The following CLIP3 variants were observed in gnomAD, a reference collection of about 807,000 sequenced individuals.
CLIP3 encodes the protein CAP-Gly domain containing linker protein 3.
In CLIP3, 15 loss-of-function variants were observed where a neutral mutation model predicts 59.4. That is an observed-to-expected ratio of 0.25 (90% CI 0.17 to 0.39). The LOEUF is 0.39. CLIP3 is among the 10% of genes least tolerant of loss of function. The pLI is 1.00. For missense variants in CLIP3, 495 were observed against 765.7 expected (o/e 0.65, Z 4.17); for synonymous variants, 300 against 321.6 (o/e 0.93, Z 0.72).
At position 36,031,912 on chromosome 19, in the gene CLIP3, C is replaced by T. The variant is rs76320337; in HGVS notation, c.166+280G>A. Among the ~76,000 whole-genome samples the T allele has an allele frequency of 5.4e-3, 818 of 152,246 alleles. 22 individuals are homozygous for T. The East Asian group carries it at 0.087, about 16-fold the overall frequency. ...TCTTGCCCCCTGCTGTGGCCCCAGCCCCTAGCATAAAGCCAGGTCCACAGC... is the reference window on the plus strand; with the variant it reads ...TCTTGCCCCCTGCTGTGGCCCCAGCTCCTAGCATAAAGCCAGGTCCACAGC... On this transcript the variant is annotated intron_variant, in intron 2 of 13. Transcript: ENST00000360535.
At position 36,032,248 on chromosome 19, in the gene CLIP3, C is replaced by A. The variant is rs376198343; in HGVS notation, c.110G>T (p.Arg37Leu). ...GGGGTGCACAACAGGCTTCTGCCGG[C>A]GCTCCTGGGTGGGGCTGGGGGCCTC... ...VPEAPSPTQE[R>L]RQKPVVHPSA... is the part of the protein sequence containing the mutation. The change falls in exon 2 of 14, where the codon CGC becomes CTC. Residue 37 changes from arginine (R) to leucine (L), a missense_variant. Arg to Leu is a moderately radical substitution (Grantham distance 102, BLOSUM62 -2). Transcript: ENST00000360535. This position sits in a 1 kb window ranked among gnomAD's most constrained non-coding sequence, Gnocchi z 4.3. 30 of 1,304,220 alleles carry A rather than the reference C, an allele frequency of 2.3e-5. No individual in the cohort carries two copies. In the East Asian group the frequency reaches 7.4e-4, roughly 32 times the overall value. 80.8% of individuals were successfully genotyped at this position (1,304,220 alleles called of 1,614,324 possible). A position where few individuals can be genotyped will look rare whatever the true frequency, so the allele number is the denominator to read the frequency against.
chr19:36,016,128 C>T lies in CLIP3; in HGVS notation c.*30G>A. 6.2e-7 allele frequency: 1 copy of T among 1,613,346 alleles called. No homozygotes were observed. The highest frequency in any genetic ancestry group is 8.5e-7 in the Non-Finnish European group (1 of 1,179,450). On this transcript the variant is annotated 3_prime_UTR_variant, in exon 14 of 14. Coordinates refer to ENST00000360535, the MANE Select transcript of CLIP3 (RefSeq NM_015526.3). This position sits in a 1 kb window ranked among gnomAD's most constrained non-coding sequence, Gnocchi z 4.1. ...GGGTGTCAGGAGATGCTAGTGGGGA[C>T]TCTGTCTCTTTGTCAGGTGTCCAGG...
At chr19:36,028,999 T>TA (rs1379061473) in intron 2 of CLIP3, among the ~76,000 whole-genome samples, 1 of 123,842 alleles carries the variant, frequency 8.1e-6, no homozygotes, top group Non-Finnish European at 1.7e-5. Context: ...TCCTACTCTT[T>TA]TTTTTTTTTT....
At chr19:36,024,371 GCAAA>G (rs1969038021) in intron 7 of CLIP3, 21 bp downstream of exon 7, 1 of 1,571,106 alleles carries the variant, frequency 6.4e-7, no homozygotes, top group African/African-American at 1.4e-5. Flanking sequence ...CACCCACCAT[GCAAA>G]CACACATCCC....
rs1280131036 is a variant in CLIP3 at position 36,026,869 on chromosome 19, C to T, written c.400+83G>A. On this transcript the variant is annotated intron_variant, in intron 4 of 13. Coordinates refer to ENST00000360535, the MANE Select transcript of CLIP3 (RefSeq NM_015526.3). The surrounding 1 kb of genome is among the most constrained non-coding windows in gnomAD (Gnocchi z 6.3). ...CCGAAGCTTCGGGTTCCAGATGGGG[C>T]CTGAGTTCTGGGTGGTTTTCAGCGT... 2.0e-6 allele frequency: 3 copies of T among 1,528,006 alleles called. No individual in the cohort carries two copies. In the East Asian group the frequency reaches 6.8e-5, roughly 35 times the overall value. The allele number at this position is 1,528,006 out of a possible 1,614,324, so 94.7% of individuals were successfully genotyped here.
At chr19:36,018,055 A>T in intron 9 of CLIP3, 64 bp from the exon 10 acceptor site, 14 of 1,578,056 alleles carry the variant, frequency 8.9e-6, no homozygotes, top group Non-Finnish European at 1.1e-5. Context: ...ACCTCGTGCC[A>T]CCTGGAAAAC....
chr19:36,023,784 G>A (rs1452239234), intron 7 of CLIP3, among the ~76,000 whole-genome samples: 3 of 152,068 alleles, frequency 2.0e-5, no homozygotes, highest in Admixed American at 2.0e-4. Flanking sequence ...ACAGCAGGGC[G>A]GGGGCAGACA....
chr19:36,031,618 C>G (rs1969269676), intron 2 of CLIP3, among the ~76,000 whole-genome samples: 1 of 152,314 alleles, frequency 6.6e-6, no homozygotes, highest in East Asian at 1.9e-4. Flanking sequence ...GCCCTTTCCC[C>G]TGACCCTTCT....
chr19:36,024,738 C>G (rs1969050266), intron 6 of CLIP3, 106 bp from the exon 7 acceptor site: 1 of 1,110,540 alleles, frequency 9.0e-7, no homozygotes, highest in Non-Finnish European at 1.3e-6. Context: ...AGGGGTAAGA[C>G]TAGGTCATAT....
At chr19:36,028,074 C>T (rs1021867075) in intron 2 of CLIP3, among the ~76,000 whole-genome samples, 3 of 152,094 alleles carry the variant, frequency 2.0e-5, no homozygotes, top group African/African-American at 4.8e-5. Context: ...CGGTGGCTCA[C>T]GCCTGTAATC....
Position 36,027,251 on chromosome 19 carries a change from T to A in CLIP3, c.187A>T (p.Asn63Tyr). ...KDYAFTFFDP[N>Y]DPACQEILFD... ...AGGATCTCCTGGCACGCCGGGTCAT[T>A]GGGATCGAAGAAGGTGAAAGCTGGG... Residue 63 changes from asparagine to tyrosine, a missense_variant, in exon 3 of 14, where the codon AAT (asparagine) becomes TAT (tyrosine). Coordinates refer to ENST00000360535, the MANE Select transcript of CLIP3 (RefSeq NM_015526.3). 6.2e-7 allele frequency: 1 copy of A among 1,608,566 alleles called. No individual in the cohort carries two copies. The highest frequency in any genetic ancestry group is 8.5e-7 in the Non-Finnish European group (1 of 1,177,340).
Position 36,024,642 on chromosome 19 carries a change from A to G in CLIP3, c.682-10T>C, listed in dbSNP as rs1487709786. ...CCTGTCCTTTTCGATTCTGGGGGCC[A>G]ATGGGAAAAGAAGGCAGGGACTCAG... is the stretch of plus-strand genomic sequence containing the variant. On this transcript the variant is annotated splice_polypyrimidine_tract_variant and intron_variant, in intron 6 of 13. Coordinates refer to ENST00000360535, the MANE Select transcript of CLIP3 (RefSeq NM_015526.3). The G allele has an allele frequency of 1.2e-6, 2 of 1,613,392 alleles. No individual in the cohort carries two copies.
At chr19:36,022,252 A>G (rs749335900) in intron 7 of CLIP3, among the ~76,000 whole-genome samples, 1 of 152,178 alleles carries the variant, frequency 6.6e-6, no homozygotes, top group Non-Finnish European at 1.5e-5. Context: ...AGCATTTAGT[A>G]TGCGCTGGAC....
chr19:36,022,848 G>A (rs1316875644), intron 7 of CLIP3, among the ~76,000 whole-genome samples: 1 of 152,148 alleles, frequency 6.6e-6, no homozygotes, highest in Non-Finnish European at 1.5e-5. Context: ...GAGGTCAGGA[G>A]ATCAAGACCA....
chr19:36,027,394 A>C (rs1969142435), intron 2 of CLIP3, 123 bp from the exon 3 acceptor site: 17 of 1,074,136 alleles, frequency 1.6e-5, no homozygotes, highest in Non-Finnish European at 7.7e-6. Context: ...CTGGTGGCAC[A>C]TGGGCCACAG....
At chr19:36,031,307 A>G (rs553658117) in intron 2 of CLIP3, among the ~76,000 whole-genome samples, 21 of 152,214 alleles carry the variant, frequency 1.4e-4, no homozygotes, top group African/African-American at 4.3e-4. Context: ...GTGAGACACC[A>G]TGCCCAGCCC....
At position 36,032,320 on chromosome 19, in the gene CLIP3, G is replaced by A. The variant is rs1483455056; in HGVS notation, c.38C>T (p.Pro13Leu). Residue 13 changes from proline (P) to leucine (L), a missense_variant, in exon 2 of 14, where the codon CCC becomes CTC. Pro to Leu is a moderately conservative substitution (Grantham distance 98). This residue lies in a region of CLIP3 where 90 missense variants were observed against 105.2 expected (regional missense o/e 0.86). Coordinates refer to ENST00000360535, the MANE Select transcript of CLIP3 (RefSeq NM_015526.3). The surrounding 1 kb of genome is among the most constrained non-coding windows in gnomAD (Gnocchi z 4.3). ...CTCCTCTTCTTCCTCCTCTCCTCGGGGTGGCGGGGCCATCGGGGCAGGATC... is the reference window on the plus strand; with the variant it reads ...CTCCTCTTCTTCCTCCTCTCCTCGGAGTGGCGGGGCCATCGGGGCAGGATC... ...KTDPAPMAPP[P>L]RGEEEEEEEE... 1.6e-6 allele frequency: 2 copies of A among 1,276,918 alleles called. No individual in the cohort carries two copies. Among genetic ancestry groups the A allele is most frequent in the African/African-American group, 1.5e-5 (1 of 64,896 alleles). 79.1% of individuals were successfully genotyped at this position (1,276,918 alleles called of 1,614,324 possible). A position where few individuals can be genotyped will look rare whatever the true frequency, so the allele number is the denominator to read the frequency against.
At chr19:36,019,111 C>A in intron 8 of CLIP3, 60 bp downstream of exon 8, 1 of 1,607,960 alleles carries the variant, frequency 6.2e-7, no homozygotes, top group Non-Finnish European at 8.5e-7. Context: ...CAGTCAGCAG[C>A]ATCAGAACTG....
At position 36,032,206 on chromosome 19, in the gene CLIP3, A is replaced by AG; in HGVS notation, c.151dup (p.Leu51ProfsTer3). ...ACAGTGGTTACCGTAGTCCTTAGGG[A>AG]GGGGGGCAGGTGCCGAGGGGTGCAC... On this transcript the variant is annotated frameshift_variant, in exon 2 of 14. Transcript: ENST00000360535. LOFTEE classifies it high-confidence loss of function. This position sits in a 1 kb window ranked among gnomAD's most constrained non-coding sequence, Gnocchi z 4.3. 1 of 1,284,264 alleles carries AG rather than the reference A, an allele frequency of 7.8e-7. No homozygotes were observed. The highest frequency in any genetic ancestry group is 9.9e-7 in the Non-Finnish European group (1 of 1,005,576). 79.6% of individuals were successfully genotyped at this position (1,284,264 alleles called of 1,614,324 possible).
Sources: gnomAD v4.1 joint callset for allele counts (sites outside exome capture counted in the v4.1 genomes callset) on GRCh38, gnomAD v4.1.1 for gene constraint, gnomAD v4.1.1 regional missense constraint, Gnocchi (gnomAD v3.1) non-coding constraint, MANE v1.5 for transcripts, NCBI Gene and HGNC (gene_info 2026-07-23, HGNC 2026-07-21) for gene names.